The following SPO11 variants were observed in gnomAD, a reference collection of about 807,000 sequenced individuals.
The protein encoded by SPO11 is SPO11 initiator of meiotic double strand breaks.
SPO11 carries 49 observed loss-of-function variants against 51.6 expected under a neutral mutation model. The observed-to-expected ratio is 0.95, with a 90% CI of 0.75 to 1.20. The LOEUF is 1.20. Ranked by LOEUF, SPO11 falls within the 50% of genes most tolerant of loss-of-function variation. The probability of loss-of-function intolerance (pLI) is 0.00; values close to 1 mark genes in which losing one functional copy is unlikely to be tolerated. For missense variants in SPO11, 431 were observed against 473.4 expected (o/e 0.91, Z 0.83); for synonymous variants, 176 against 158.2 (o/e 1.11, Z -0.84).
chr20:57,342,447 AT>A (rs1310859255), intron 11 of SPO11, among the ~76,000 whole-genome samples: 18 of 152,230 alleles, frequency 1.2e-4, no homozygotes. Context: ...AATAACCAAT[AT>A]CAGTCTTCCT....
intron 7 of SPO11, 70 bp from the exon 8 acceptor site, chr20:57,335,728 G>A: frequency 2.1e-6 from 2 of 940,148 alleles, no homozygotes; most frequent in Non-Finnish European, 3.4e-6. Flanking sequence ...TTATCTATAT[G>A]GCACCTTAAT....
At chr20:57,338,409 C>A in intron 9 of SPO11, 34 bp downstream of exon 9, 46 of 1,299,814 alleles carry the variant, frequency 3.5e-5, no homozygotes, top group Non-Finnish European at 4.6e-5. Context: ...CAACAATAGT[C>A]ATAACTAAAT....
At chr20:57,332,212 G>C (rs1053387302) in intron 2 of SPO11, among the ~76,000 whole-genome samples, 2 of 152,188 alleles carry the variant, frequency 1.3e-5, no homozygotes, top group African/African-American at 4.8e-5. Context: ...ATGTGATAAA[G>C]TCTCATAATT....
chr20:57,338,202 T>C (rs1173700864), intron 8 of SPO11, 74 bp from the exon 9 acceptor site: 27 of 1,115,870 alleles, frequency 2.4e-5, no homozygotes, highest in Admixed American at 1.7e-4. Flanking sequence ...AACTTTTAAA[T>C]TATTAATAAG....
At chr20:57,342,865 T>C (rs1282472024) in intron 12 of SPO11, 25 bp downstream of exon 12, 1 of 1,504,964 alleles carries the variant, frequency 6.6e-7, no homozygotes, top group Non-Finnish European at 9.2e-7. Context: ...ACAACTCAAG[T>C]GTTGCATGTT....
chr20:57,332,018 C>A lies in SPO11; in HGVS notation c.245+72C>A. ...TATTAAAATTATTTGAATTAGAGTT[C>A]TGGTCATATTTTTTTCATTTTATTG... On this transcript the variant is annotated intron_variant, in intron 2 of 12. Transcript: ENST00000371263. The A allele has an allele frequency of 7.4e-6, 7 of 943,984 alleles. No individual in the cohort carries two copies. The South Asian group carries it at 1.3e-4, about 18-fold the overall frequency. 58.5% of individuals were successfully genotyped at this position (943,984 alleles called of 1,614,324 possible).
intron 6 of SPO11, 100 bp from the exon 7 acceptor site, chr20:57,335,319 C>T: frequency 1.1e-6 from 1 of 950,010 alleles, no homozygotes; most frequent in East Asian, 2.6e-5. Context: ...TCTCTGATGA[C>T]TGGTATGGTC....
At chr20:57,342,010 A>G (rs1384065815) in intron 11 of SPO11, among the ~76,000 whole-genome samples, 2 of 152,214 alleles carry the variant, frequency 1.3e-5, no homozygotes, top group Non-Finnish European at 2.9e-5. Context: ...TTATGGACAC[A>G]TTGAAAAAGA....
chr20:57,341,475 T>G (rs555982059), intron 11 of SPO11, among the ~76,000 whole-genome samples: 1 of 152,372 alleles, frequency 6.6e-6, no homozygotes, highest in Admixed American at 6.5e-5. Flanking sequence ...ATGTGATATT[T>G]TAAAATGTTT....
At chr20:57,331,688 C>A in intron 1 of SPO11, 145 bp from the exon 2 acceptor site, 1 of 421,008 alleles carries the variant, frequency 2.4e-6, no homozygotes, top group Non-Finnish European at 4.2e-6. Context: ...TTTTTTTTGT[C>A]TTTTTTTAAA....
intron 9 of SPO11, 37 bp downstream of exon 9, chr20:57,338,412 A>G (rs758166626): frequency 2.2e-6 from 3 of 1,349,760 alleles, no homozygotes; most frequent in Non-Finnish European, 3.1e-6. Flanking sequence ...CAATAGTCAT[A>G]ACTAAATCAT....
At chr20:57,337,295 A>G (rs1027857805) in intron 8 of SPO11, among the ~76,000 whole-genome samples, 1 of 152,240 alleles carries the variant, frequency 6.6e-6, no homozygotes. Flanking sequence ...TCATAATATT[A>G]TCCCACCATT....
At position 57,338,388 on chromosome 20, in the gene SPO11, T is replaced by C. The variant is rs1279574621; in HGVS notation, c.844+13T>C. The C allele has an allele frequency of 3.9e-6, 6 of 1,519,966 alleles. No individual in the cohort carries two copies. Among genetic ancestry groups the C allele is most frequent in the Non-Finnish European group, 5.5e-6 (6 of 1,096,218 alleles). 94.2% of individuals were successfully genotyped at this position (1,519,966 alleles called of 1,614,324 possible). On this transcript the variant is annotated intron_variant, in intron 9 of 12. Transcript: ENST00000371263. ...GCTGATCCACATGGTAATTTATCAC[T>C]GGACTATTTACAACAATAGTCATAA...
At chr20:57,335,755 T>C (rs766999648) in intron 7 of SPO11, 43 bp from the exon 8 acceptor site, 11 of 1,232,426 alleles carry the variant, frequency 8.9e-6, no homozygotes, top group Admixed American at 7.5e-5. Context: ...GGTGATTAAA[T>C]TGAAATACTC....
chr20:57,337,220 T>C lies in SPO11; in HGVS notation c.745-1056T>C, dbSNP rs28368088. Among the ~76,000 whole-genome samples, 192 of 152,336 alleles carry C rather than the reference T, an allele frequency of 1.3e-3. 1 individual carries two copies. The East Asian group carries it at 0.024, about 19-fold the overall frequency. The stretch of plus-strand genomic sequence containing the variant: ...CTCTCTGTTTCATTTGGTTTTCTGC[T>C]TTTCTCTAACATTGTTGTAACACTC... On this transcript the variant is annotated intron_variant, in intron 8 of 12. Transcript: ENST00000371263.
At chr20:57,339,857 G>T (rs1313367657) in intron 10 of SPO11, among the ~76,000 whole-genome samples, 2 of 152,110 alleles carry the variant, frequency 1.3e-5, no homozygotes, top group Non-Finnish European at 2.9e-5. Context: ...TCCCGCCTTG[G>T]TCTCCCAAAG....
chr20:57,334,268 C>T (rs1352537030), intron 5 of SPO11, among the ~76,000 whole-genome samples, 173 bp downstream of exon 5: 3 of 151,798 alleles, frequency 2.0e-5, no homozygotes, highest in Non-Finnish European at 4.4e-5. Context: ...CATTCTCCTG[C>T]CTCAGCCTCC....
chr20:57,343,571 GAAAT>G lies in SPO11; in HGVS notation c.*115_*118del. 1 of 1,200,832 alleles carries G rather than the reference GAAAT, an allele frequency of 8.3e-7. No homozygotes were observed. 74.4% of individuals were successfully genotyped at this position (1,200,832 alleles called of 1,614,324 possible). On this transcript the variant is annotated 3_prime_UTR_variant, in exon 13 of 13. Transcript: ENST00000371263. ...ATTATATTCTTAATTCTGTAAAAGT[GAAAT>G]AAAATAACTTTCCGTTAATTATATA...
rs908657522 is a variant in SPO11 at position 57,332,056 on chromosome 20, C to T, written c.245+110C>T. On this transcript the variant is annotated intron_variant, in intron 2 of 12. Coordinates refer to ENST00000371263, the MANE Select transcript of SPO11 (RefSeq NM_012444.3). ...TTTCATTTTATTGCCTTTACCTTGCCAAAAAAAAGGATTTAGGAAGTTTAC... is the reference window on the plus strand; with the variant it reads ...TTTCATTTTATTGCCTTTACCTTGCTAAAAAAAAGGATTTAGGAAGTTTAC... The T allele has an allele frequency of 1.8e-5, 10 of 570,104 alleles. 1 individual carries two copies. The South Asian group carries it at 2.9e-4, about 17-fold the overall frequency. The allele number at this position is 570,104 out of a possible 1,614,324, so 35.3% of individuals were successfully genotyped here.
Sources: allele counts gnomAD v4.1 joint callset (sites outside exome capture counted in the v4.1 genomes callset), GRCh38; gene constraint gnomAD v4.1.1; transcripts MANE v1.5; gene names NCBI Gene and HGNC (gene_info 2026-07-23, HGNC 2026-07-21).